Variants in MEIS1 observed in about 807,000 individuals in gnomAD.
The protein encoded by MEIS1 is homeobox protein Meis1.
Under a neutral mutation model 50.8 loss-of-function variants are expected in MEIS1, and 5 were observed. That is an observed-to-expected ratio of 0.10 (90% CI 0.05 to 0.21). The LOEUF (loss-of-function observed/expected upper bound fraction) is 0.21. MEIS1 is among the 10% of genes least tolerant of loss of function. The pLI is 1.00. For missense variants in MEIS1, 318 were observed against 517.3 expected (o/e 0.61, Z 3.74); for synonymous variants, 176 against 179.3 (o/e 0.98, Z 0.15).
At chr2:66,519,423 G>A (rs1393432477) in intron 8 of MEIS1, among the ~76,000 whole-genome samples, 1 of 152,046 alleles carries the variant, frequency 6.6e-6, no homozygotes, top group Non-Finnish European at 1.5e-5. Context: ...AGAGTCCGGA[G>A]TGTGGGCAAC....
chr2:66,532,406 A>AG (rs999702195), intron 8 of MEIS1, among the ~76,000 whole-genome samples: 1 of 151,580 alleles, frequency 6.6e-6, no homozygotes, highest in Non-Finnish European at 1.5e-5. Flanking sequence ...ATCCTTTCAG[A>AG]GAAAAAAAAA....
At chr2:66,452,286 C>A (rs981298828) in intron 6 of MEIS1, among the ~76,000 whole-genome samples, 1 of 151,830 alleles carries the variant, frequency 6.6e-6, no homozygotes, top group Non-Finnish European at 1.5e-5. Context: ...GAGTAACCAC[C>A]CTGCCCTTCA....
At chr2:66,515,529 A>T (rs1673944381) in intron 8 of MEIS1, among the ~76,000 whole-genome samples, 1 of 152,196 alleles carries the variant, frequency 6.6e-6, no homozygotes, top group East Asian at 1.9e-4. Flanking sequence ...CCAAAGAGAG[A>T]ACTAAAGCCT....
chr2:66,486,312 A>G (rs1673142174), intron 7 of MEIS1, among the ~76,000 whole-genome samples: 1 of 152,242 alleles, frequency 6.6e-6, no homozygotes, highest in Non-Finnish European at 1.5e-5. Context: ...AGTTTTCTGC[A>G]TATGGGTAGC....
rs541209682 is a variant in MEIS1, at chr2:66,541,523, C to T, written c.889-6420C>T. Among the ~76,000 whole-genome samples, 16 of 152,260 alleles carry T rather than the reference C, an allele frequency of 1.1e-4. No individual in the cohort carries two copies. In the South Asian group the frequency reaches 3.3e-3, roughly 32 times the overall value. Reference sequence around the variant, plus strand: ...ACATTTATAGATTCCTACCTGACACCTCCACTGGCAACTTCTTTTAACTGC... The same window carrying T: ...ACATTTATAGATTCCTACCTGACACTTCCACTGGCAACTTCTTTTAACTGC... On this transcript the variant is annotated intron_variant, in intron 8 of 12. Coordinates refer to ENST00000272369, the MANE Select transcript of MEIS1 (RefSeq NM_002398.3).
At chr2:66,539,912 C>T (rs1045145208) in intron 8 of MEIS1, among the ~76,000 whole-genome samples, 1 of 152,120 alleles carries the variant, frequency 6.6e-6, no homozygotes, top group African/African-American at 2.4e-5. Context: ...CAACTCTTTC[C>T]TCTCTGTTCA....
At chr2:66,514,105 A>G (rs763600328) in intron 8 of MEIS1, among the ~76,000 whole-genome samples, 5 of 152,184 alleles carry the variant, frequency 3.3e-5, no homozygotes, top group African/African-American at 4.8e-5. Flanking sequence ...TCTATTTCCT[A>G]TAGACTAACA....
intron 6 of MEIS1, 195 bp downstream of exon 6, chr2:66,443,243 A>C (rs761523582): frequency 1.8e-6 from 1 of 568,702 alleles, no homozygotes; most frequent in African/African-American, 2.0e-5. Context: ...ATTCGACCTG[A>C]AGAGATGAGC....
chr2:66,518,369 G>C (rs115814846), intron 8 of MEIS1, among the ~76,000 whole-genome samples: 2,006 of 152,208 alleles, frequency 0.013, 36 homozygotes, highest in African/African-American at 0.046. Flanking sequence ...CTGGCAATTT[G>C]TCAGATCATT....
At chr2:66,473,234 C>T (rs547913948) in intron 7 of MEIS1, among the ~76,000 whole-genome samples, 82 of 151,128 alleles carry the variant, frequency 5.4e-4, no homozygotes, top group African/African-American at 1.9e-3. Context: ...CAAAATTAGC[C>T]GGGTATAGTG....
intron 8 of MEIS1, among the ~76,000 whole-genome samples, chr2:66,517,640 A>G (rs1674002517): frequency 6.6e-6 from 1 of 152,174 alleles, no homozygotes; most frequent in African/African-American, 2.4e-5. Context: ...GCGTATTTCA[A>G]CTTTGACTAG....
At chr2:66,438,857 T>C (rs1420418360) in intron 2 of MEIS1, among the ~76,000 whole-genome samples, 3 of 152,128 alleles carry the variant, frequency 2.0e-5, no homozygotes, top group African/African-American at 7.2e-5. Context: ...ATAATCTTTT[T>C]ATTTTATTTT....
Position 66,439,077 on chromosome 2 carries a change from CTTCTT to C in MEIS1, c.240-763_240-759del, listed in dbSNP as rs752997304. On this transcript the variant is annotated intron_variant, in intron 2 of 12. Coordinates refer to ENST00000272369, the MANE Select transcript of MEIS1 (RefSeq NM_002398.3). ...AAGCTTTTCTTTCTTTCTTCTTCTT[CTTCTT>C]TTTTTTTTTTTTTTCTTTTTTATGG... The C allele has an allele frequency of 5.8e-3, 845 of 144,874 alleles. 13 individuals carry two copies. The highest frequency in any genetic ancestry group is 0.021 in the African/African-American group (802 of 39,056). 9.0% of individuals were successfully genotyped at this position (144,874 alleles called of 1,614,324 possible).
At chr2:66,567,366 C>T in intron 9 of MEIS1, 87 bp from the exon 10 acceptor site, 2 of 1,403,974 alleles carry the variant, frequency 1.4e-6, no homozygotes, top group Non-Finnish European at 9.9e-7. Context: ...TCTAGTTTTA[C>T]TCCAACTGCG....
intron 6 of MEIS1, among the ~76,000 whole-genome samples, chr2:66,447,690 T>C (rs1672184824): frequency 6.6e-6 from 1 of 152,194 alleles, no homozygotes; most frequent in Admixed American, 6.5e-5. Context: ...AGGGACACTT[T>C]TAAAACATTC....
At chr2:66,464,043 A>AT (rs1351131445) in intron 6 of MEIS1, 66 bp from the exon 7 acceptor site, 93 of 1,174,706 alleles carry the variant, frequency 7.9e-5, no homozygotes, top group Non-Finnish European at 1.0e-4. Flanking sequence ...TCATTATGCC[A>AT]TGGGATCCTA....
At chr2:66,495,053 C>A (rs1673363793) in intron 7 of MEIS1, among the ~76,000 whole-genome samples, 1 of 141,260 alleles carries the variant, frequency 7.1e-6, no homozygotes, top group Non-Finnish European at 1.5e-5. Context: ...AGCACAGATT[C>A]AGAATGCCCA....
At chr2:66,505,220 C>T (rs147013956) in intron 7 of MEIS1, among the ~76,000 whole-genome samples, 66 of 152,138 alleles carry the variant, frequency 4.3e-4, no homozygotes, top group African/African-American at 1.6e-3. Flanking sequence ...TTGAGACCAG[C>T]CTGGGAAACA....
chr2:66,440,520 T>TC, intron 3 of MEIS1, 42 bp from the exon 4 acceptor site: 4 of 1,563,764 alleles, frequency 2.6e-6, no homozygotes, highest in Non-Finnish European at 2.6e-6. Flanking sequence ...CTTTCTTTTT[T>TC]CTCTCCCCTC....
Sources: gnomAD v4.1 joint callset for allele counts (sites outside exome capture counted in the v4.1 genomes callset) on GRCh38, gnomAD v4.1.1 for gene constraint, MANE v1.5 for transcripts, NCBI Gene and HGNC (gene_info 2026-07-23, HGNC 2026-07-21) for gene names.